Variants in BAIAP3 observed in about 807,000 individuals in gnomAD.
The protein encoded by BAIAP3 is BAI1 associated protein 3.
A neutral mutation model predicts 149.7 loss-of-function variants in BAIAP3; 180 were observed. The observed-to-expected ratio is 1.20, with a 90% CI of 1.07 to 1.36. BAIAP3 has a LOEUF of 1.36. Ranked by LOEUF, BAIAP3 falls within the 40% of genes most tolerant of loss-of-function variation. BAIAP3 has a pLI of 0.00. For synonymous variants in BAIAP3, 845 were observed against 670.7 expected (o/e 1.26, Z -4.02); for missense variants, 1,767 against 1,563.4 (o/e 1.13, Z -2.20).
Position 1,344,822 on chromosome 16 carries a change from C to T in BAIAP3, c.1782C>T (p.Thr594=). 1 of 1,613,824 alleles carries T rather than the reference C, an allele frequency of 6.2e-7. No individual in the cohort carries two copies. Among genetic ancestry groups the T allele is most frequent in the Non-Finnish European group, 8.5e-7 (1 of 1,180,018 alleles). Residue 594 remains threonine, a synonymous_variant, in exon 20 of 34, where the codon ACC becomes ACT. Coordinates refer to ENST00000426824, the MANE Select transcript of BAIAP3 (RefSeq NM_001199097.2). ...GCATCCTCAATGTGGACGTCTTCAC[C>T]CTGACCTTCCGGCAGCTGGAGCGTC... ...FHSILNVDVF[T]LTFRQLERLV...
Position 1,342,786 on chromosome 16 carries a change from T to C in BAIAP3, c.1133T>C (p.Leu378Pro). The change falls in exon 13 of 34, where the codon CTG (leucine) becomes CCG (proline). Residue 378 changes from leucine (L) to proline (P), a missense_variant. Transcript: ENST00000426824. ...FLSHLLLLSH[L>P]LRLEHSAEEP... is the part of the protein sequence containing the mutation. The stretch of plus-strand genomic sequence containing the variant: ...TCCCACCTGCTGCTGCTCAGCCATC[T>C]GCTGCGGTTGGAGCACTCAGCAGAG... 1 of 1,612,698 alleles carries C rather than the reference T, an allele frequency of 6.2e-7. No homozygotes were observed. The highest frequency in any genetic ancestry group is 8.5e-7 in the Non-Finnish European group (1 of 1,179,994).
rs780255620 is a variant in BAIAP3 at position 1,340,960 on chromosome 16, C to A, written c.447C>A (p.Ile149=). 2 of 1,587,848 alleles carry A rather than the reference C, an allele frequency of 1.3e-6. No homozygotes were observed. The highest frequency in any genetic ancestry group is 8.6e-7 in the Non-Finnish European group (1 of 1,167,634). The change falls in exon 6 of 34, where the codon ATC becomes ATA. Residue 149 remains isoleucine, a synonymous_variant. Transcript: ENST00000426824. Reference sequence around the variant, plus strand: ...GCCTTGAGGAGCACACTGAGGCCATCGAGCGAGTGAGGAAGGCCAAGGTGA... The same window carrying A: ...GCCTTGAGGAGCACACTGAGGCCATAGAGCGAGTGAGGAAGGCCAAGGTGA... The part of the protein sequence containing the change: ...GTSLEEHTEA[I]ERVRKAKAPT...
chr16:1,343,281 C>T, intron 14 of BAIAP3, 112 bp from the exon 15 acceptor site: 6 of 1,439,084 alleles, frequency 4.2e-6, no homozygotes, highest in Non-Finnish European at 5.6e-6. Context: ...TATGAGTAGG[C>T]GCGGCAGTGC....
rs1172454077 is a variant in BAIAP3, at chr16:1,348,674, C to T, written c.*192C>T. 1 of 624,386 alleles carries T rather than the reference C, an allele frequency of 1.6e-6. No individual in the cohort carries two copies. The highest frequency in any genetic ancestry group is 2.8e-6 in the Non-Finnish European group (1 of 357,132). 38.7% of individuals were successfully genotyped at this position (624,386 alleles called of 1,614,324 possible). On this transcript the variant is annotated 3_prime_UTR_variant, in exon 34 of 34. Transcript: ENST00000426824. Reference sequence around the variant, plus strand: ...GTCTGGTGTGTGCTGTGAACCCCTGCACCCAACCCCACATCTGGGTGGCCA... The same window carrying T: ...GTCTGGTGTGTGCTGTGAACCCCTGTACCCAACCCCACATCTGGGTGGCCA...
rs372927860 is a variant in BAIAP3 at position 1,344,640 on chromosome 16, G to T, written c.1699G>T (p.Asp567Tyr). The stretch of plus-strand genomic sequence containing the variant: ...CCTGCCTGGGCTGGTTGTGCTGGCT[G>T]ACGCCGTCTATGATGACCTTCAGTT... ...QRLPGLVVLA[D>Y]AVYDDLQFCY... is the part of the protein sequence containing the mutation. The change falls in exon 19 of 34, where the codon GAC (aspartate) becomes TAC (tyrosine). Residue 567 changes from aspartate (D) to tyrosine (Y), a missense_variant. Physicochemically the swap from Asp to Tyr is radical, Grantham distance 160 (BLOSUM62 -3). Transcript: ENST00000426824. 1 of 1,613,414 alleles carries T rather than the reference G, an allele frequency of 6.2e-7. No homozygotes were observed. The highest frequency in any genetic ancestry group is 1.7e-5 in the Admixed American group (1 of 60,028).
In BAIAP3 at chr16:1,346,448, G is replaced by A. The variant is rs1207327071; in HGVS notation, c.2500G>A (p.Gly834Ser). 3.7e-6 allele frequency: 6 copies of A among 1,612,414 alleles called. No individual in the cohort carries two copies. In the South Asian group the frequency reaches 4.4e-5, roughly 12 times the overall value. Residue 834 changes from glycine to serine, a missense_variant, in exon 26 of 34, where the codon GGC (glycine) becomes AGC (serine). By Grantham distance (56) the Gly-to-Ser change is moderately conservative. Coordinates refer to ENST00000426824, the MANE Select transcript of BAIAP3 (RefSeq NM_001199097.2). ...VTAHLTSKMV[G>S]DIRKYVQHIS... ...GCACTGCTCCTGCCCTCAGATGGTG[G>A]GCGACATCCGCAAGTATGTACAGCA... is the stretch of plus-strand genomic sequence containing the variant.
intron 1 of BAIAP3, chr16:1,336,491 C>A: frequency 1.3e-6 from 1 of 758,348 alleles, no homozygotes; most frequent in Non-Finnish European, 1.6e-6. Flanking sequence ...CCCGTAAGAG[C>A]CTGCACCCAG....
intron 11 of BAIAP3, 78 bp from the exon 12 acceptor site, chr16:1,342,449 C>A: frequency 7.0e-7 from 1 of 1,422,274 alleles, no homozygotes; most frequent in Non-Finnish European, 9.6e-7. Flanking sequence ...GCCATGTGGT[C>A]TCTCCAGGGT....
Position 1,348,224 on chromosome 16 carries a change from T to C in BAIAP3, c.3278T>C (p.Val1093Ala), listed in dbSNP as rs759340874. 6.2e-6 allele frequency: 10 copies of C among 1,607,640 alleles called. No homozygotes were observed. In the South Asian group the frequency reaches 9.9e-5, roughly 16 times the overall value. Residue 1093 changes from valine (V) to alanine (A), a missense_variant, in exon 33 of 34, where the codon GTC (valine) becomes GCC (alanine). Coordinates refer to ENST00000426824, the MANE Select transcript of BAIAP3 (RefSeq NM_001199097.2). ...AALGLGGVTGVARPQVGGGAR... is the reference protein window; with the variant it reads ...AALGLGGVTGAARPQVGGGAR... ...CTCGGCCTAGGTGGCGTCACTGGTG[T>C]CGCCCGGCCCCAGGTGGGCGGGGGT...
chr16:1,346,705 ATGGGC>A, intron 27 of BAIAP3, 21 bp downstream of exon 27: 2 of 889,586 alleles, frequency 2.2e-6, no homozygotes, highest in Non-Finnish European at 3.4e-6. Flanking sequence ...GTGGGGTGGG[ATGGGC>A]TGGGCTGGCC....
Position 1,341,831 on chromosome 16 carries a change from G to A in BAIAP3, c.741G>A (p.Glu247=). 2 of 1,612,466 alleles carry A rather than the reference G, an allele frequency of 1.2e-6. No homozygotes were observed. The highest frequency in any genetic ancestry group is 1.1e-5 in the South Asian group (1 of 91,034). ...TCTGTTCTCCTTGTAGCGAGATTGA[G>A]GATGTGAGCACGGACCAGCTGCACC... ...VWKEHFLFEI[E]DVSTDQLHLD... Residue 247 remains glutamate, a synonymous_variant, in exon 9 of 34, where the codon GAG becomes GAA. Transcript: ENST00000426824.
rs569391951 is a variant in BAIAP3 at position 1,346,239 on chromosome 16, T to C, written c.2371T>C (p.Trp791Arg). 8.1e-6 allele frequency: 13 copies of C among 1,611,886 alleles called. No homozygotes were observed. Among genetic ancestry groups the C allele is most frequent in the Admixed American group, 3.3e-5 (2 of 59,956 alleles). Reference sequence around the variant, plus strand: ...TGGGCAGGCCTTGAAGGGCCTGGCATGGCCAGAGGGGGCCACGGGGCCCGA... The same window carrying C: ...TGGGCAGGCCTTGAAGGGCCTGGCACGGCCAGAGGGGGCCACGGGGCCCGA... Reference protein sequence around the residue: ...AAGQALKGLAWPEGATGPEGV... With the variant: ...AAGQALKGLARPEGATGPEGV... The change falls in exon 25 of 34, where the codon TGG becomes CGG. Residue 791 changes from tryptophan to arginine, a missense_variant. Coordinates refer to ENST00000426824, the MANE Select transcript of BAIAP3 (RefSeq NM_001199097.2).
rs1288059077 is a variant in BAIAP3, at chr16:1,345,117, A to C, written c.1940+18A>C. The C allele has an allele frequency of 2.5e-6, 4 of 1,612,456 alleles. No individual in the cohort carries two copies. Among genetic ancestry groups the C allele is most frequent in the Non-Finnish European group, 3.4e-6 (4 of 1,179,910 alleles). On this transcript the variant is annotated intron_variant, in intron 21 of 33. Coordinates refer to ENST00000426824, the MANE Select transcript of BAIAP3 (RefSeq NM_001199097.2). ...CCTGGCCGGTGGGTGCCCCGTCCCT[A>C]TCTCTTGCAGACAGACTTTGGGACC...
Position 1,348,369 on chromosome 16 carries a change from C to A in BAIAP3, c.3356-10C>A. 6.2e-7 allele frequency: 1 copy of A among 1,611,746 alleles called. No individual in the cohort carries two copies. Among genetic ancestry groups the A allele is most frequent in the Non-Finnish European group, 8.5e-7 (1 of 1,179,474 alleles). ...CCCGGCCCCCACACACCTGCCCGCG[C>A]TGCTTGCAGTGAGATCTGCGCTGAG... On this transcript the variant is annotated splice_polypyrimidine_tract_variant and intron_variant, in intron 33 of 33. Coordinates refer to ENST00000426824, the MANE Select transcript of BAIAP3 (RefSeq NM_001199097.2).
intron 1 of BAIAP3, among the ~76,000 whole-genome samples, chr16:1,337,924 AG>A (rs1394075866): frequency 1.3e-5 from 2 of 152,108 alleles, no homozygotes; most frequent in Non-Finnish European, 2.9e-5. Flanking sequence ...TGGGGTGAGG[AG>A]GGGGCATTGA....
At position 1,345,744 on chromosome 16, in the gene BAIAP3, T is replaced by A; in HGVS notation, c.2065-3T>A. ...GCAAACCCAGCCTCCCCTGCCTCCC[T>A]AGCTGGAGCCCGTGGACGCCTCCTC... On this transcript the variant is annotated splice_polypyrimidine_tract_variant and splice_region_variant and intron_variant, in intron 22 of 33. Coordinates refer to ENST00000426824, the MANE Select transcript of BAIAP3 (RefSeq NM_001199097.2). 7.9e-7 allele frequency: 1 copy of A among 1,269,986 alleles called. No homozygotes were observed. The highest frequency in any genetic ancestry group is 1.0e-6 in the Non-Finnish European group (1 of 990,344). The allele number at this position is 1,269,986 out of a possible 1,614,324, so 78.7% of individuals were successfully genotyped here. A position where few individuals can be genotyped will look rare whatever the true frequency, so the allele number is the denominator to read the frequency against.
intron 28 of BAIAP3, 119 bp downstream of exon 28, chr16:1,347,074 C>A: frequency 1.0e-6 from 1 of 1,000,516 alleles, no homozygotes. Flanking sequence ...CACTCCAGGG[C>A]TGTCCACAGC....
chr16:1,344,177 G>A (rs377401118), intron 16 of BAIAP3, 31 bp downstream of exon 16: 70 of 1,612,054 alleles, frequency 4.3e-5, no homozygotes, highest in Non-Finnish European at 5.6e-5. Flanking sequence ...CAGCGTGGGT[G>A]GGGGCGGCTG....
At chr16:1,343,913 T>C in intron 15 of BAIAP3, 109 bp from the exon 16 acceptor site, 8 of 1,528,990 alleles carry the variant, frequency 5.2e-6, no homozygotes, top group Non-Finnish European at 5.3e-6. Flanking sequence ...AGAGCAGAGC[T>C]GGGCTGACCA....
Sources: allele counts gnomAD v4.1 joint callset (sites outside exome capture counted in the v4.1 genomes callset), GRCh38; gene constraint gnomAD v4.1.1; transcripts MANE v1.5; gene names NCBI Gene and HGNC (gene_info 2026-07-23, HGNC 2026-07-21).